The following SEPTIN8 variants were observed in gnomAD, a reference collection of about 807,000 sequenced individuals.
SEPTIN8 encodes the protein septin-8.
SEPTIN8 carries 22 observed loss-of-function variants against 53.1 expected under a neutral mutation model. The observed-to-expected ratio is 0.41, with a 90% CI of 0.30 to 0.59. The LOEUF is 0.59. Among genes scored for constraint, SEPTIN8 ranks in the 20% least tolerant of loss-of-function variants. The pLI is 0.24. For missense variants in SEPTIN8, 536 were observed against 638.7 expected, an observed-to-expected ratio of 0.84 and a Z score of 1.73; for synonymous variants, 228 against 248.4, an observed-to-expected ratio of 0.92 and a Z score of 0.77.
In SEPTIN8 at chr5:132,751,194, A is replaced by G. The variant is rs570219206; in HGVS notation, c.*822T>C. The G allele has an allele frequency of 2.0e-5, 10 of 507,030 alleles. No individual in the cohort carries two copies. The South Asian group carries it at 3.6e-4, about 18-fold the overall frequency. The allele number at this position is 507,030 out of a possible 1,614,324, so 31.4% of individuals were successfully genotyped here. On this transcript the variant is annotated 3_prime_UTR_variant, in exon 10 of 10. Coordinates refer to ENST00000378719, the MANE Select transcript of SEPTIN8 (RefSeq NM_001098811.2). ...TCCAACACAGTTCCACCAGACTCCC[A>G]CTTCTAAAGGACATTAAATTAACTT... is the stretch of plus-strand genomic sequence containing the variant.
chr5:132,756,586 C>T (rs1033954293), intron 9 of SEPTIN8: 43 of 985,338 alleles, frequency 4.4e-5, no homozygotes, highest in Non-Finnish European at 5.2e-5. Flanking sequence ...TCACTTTATG[C>T]ACCAAGGTTT....
chr5:132,757,620 A>G (rs1755463925), intron 9 of SEPTIN8: 2 of 985,342 alleles, frequency 2.0e-6, no homozygotes. Flanking sequence ...TCCAGTGCCC[A>G]GCACGGTGCT....
Position 132,760,822 on chromosome 5 carries a change from C to T in SEPTIN8, c.1266G>A (p.Arg422=). 6.2e-7 allele frequency: 1 copy of T among 1,613,818 alleles called. No homozygotes were observed. The highest frequency in any genetic ancestry group is 8.5e-7 in the Non-Finnish European group (1 of 1,180,010). ...ALHATSQQPL[R]KDKDKKNRSD... ...CCTACTTCTTCTTGTCCTTGTCCTTCCTCAGGGGCTGCTGCGAGGTGGCGT... is the reference window on the plus strand; with the variant it reads ...CCTACTTCTTCTTGTCCTTGTCCTTTCTCAGGGGCTGCTGCGAGGTGGCGT... The change falls in exon 9 of 10, where the codon AGG becomes AGA. Residue 422 remains arginine (R), a synonymous_variant. Transcript: ENST00000378719. The surrounding 1 kb of genome is among the most constrained non-coding windows in gnomAD (Gnocchi z 5.2).
chr5:132,758,584 G>A (rs750491567), intron 9 of SEPTIN8: 2 of 1,609,854 alleles, frequency 1.2e-6, no homozygotes, highest in Admixed American at 3.4e-5. Flanking sequence ...CGTCAGTTTT[G>A]GATTCCAGCA....
chr5:132,777,594 G>C, upstream of SEPTIN8: 4 of 980,674 alleles, frequency 4.1e-6, no homozygotes, highest in Non-Finnish European at 4.8e-6. This position sits in a 1 kb window ranked among gnomAD's most constrained non-coding sequence, Gnocchi z 4.1. Context: ...GGGGGAAGTG[G>C]GGCACGGCGT....
Position 132,776,581 on chromosome 5 carries a change from G to A in SEPTIN8, c.30+527C>T, listed in dbSNP as rs766868137. On this transcript the variant is annotated intron_variant, in intron 1 of 9. Transcript: ENST00000378719. This position sits in a 1 kb window ranked among gnomAD's most constrained non-coding sequence, Gnocchi z 4.4. The stretch of plus-strand genomic sequence containing the variant: ...CGTGGGGAGCGGGGCAGAGGGGAGC[G>A]GGGGAGGAAGGAAAAGCAGGCCAAG... Among the ~76,000 whole-genome samples, 2 of 151,990 alleles carry A rather than the reference G, an allele frequency of 1.3e-5. No homozygotes were observed. The highest frequency in any genetic ancestry group is 2.4e-5 in the African/African-American group (1 of 41,422).
intron 9 of SEPTIN8, chr5:132,758,832 A>G (rs1352041594): frequency 1.2e-6 from 2 of 1,612,588 alleles, no homozygotes; most frequent in Non-Finnish European, 1.7e-6. Context: ...TAACTGAAAA[A>G]TAAAAATAAA....
chr5:132,758,983 G>T, intron 9 of SEPTIN8: 1 of 777,494 alleles, frequency 1.3e-6, no homozygotes, highest in Non-Finnish European at 2.3e-6. Context: ...CTCAGTTTGT[G>T]GTGTCCCAGG....
At chr5:132,777,364 G>A, upstream of SEPTIN8, 1 of 1,035,702 alleles carries the variant, frequency 9.7e-7, no homozygotes, top group Non-Finnish European at 1.2e-6. This position sits in a 1 kb window ranked among gnomAD's most constrained non-coding sequence, Gnocchi z 4.1. Flanking sequence ...AGCGCAGCCG[G>A]AGCCCCGCCG....
At chr5:132,767,824 C>G (rs1309721549) in intron 1 of SEPTIN8, among the ~76,000 whole-genome samples, 1 of 152,008 alleles carries the variant, frequency 6.6e-6, no homozygotes, top group Non-Finnish European at 1.5e-5. Flanking sequence ...GCGTGCTGTG[C>G]TTGCAGAGAA....
At chr5:132,777,386 G>A, upstream of SEPTIN8, 1 of 1,018,202 alleles carries the variant, frequency 9.8e-7, no homozygotes, top group South Asian at 4.6e-5. The surrounding 1 kb of genome is among the most constrained non-coding windows in gnomAD (Gnocchi z 4.1). Flanking sequence ...TTGGACGGCC[G>A]GGGGTCTCCG....
intron 1 of SEPTIN8, among the ~76,000 whole-genome samples, chr5:132,774,441 G>A (rs1424853948): frequency 6.6e-6 from 1 of 152,198 alleles, no homozygotes; most frequent in Admixed American, 6.5e-5. Context: ...GTTAGGAGGA[G>A]GGGCACAGCA....
upstream of SEPTIN8, among the ~76,000 whole-genome samples, chr5:132,780,045 G>A (rs1758019796): frequency 6.6e-6 from 1 of 152,156 alleles, no homozygotes; most frequent in African/African-American, 2.4e-5. Context: ...GTCCAATATG[G>A]TGATATCTGC....
intron 9 of SEPTIN8, chr5:132,754,489 C>T (rs867050418): frequency 4.2e-5 from 30 of 717,360 alleles, no homozygotes; most frequent in African/African-American, 3.8e-4. Flanking sequence ...TGGATGTGAG[C>T]TGGATTCTGA....
At chr5:132,758,699 CTG>C in intron 9 of SEPTIN8, 1 of 1,602,892 alleles carries the variant, frequency 6.2e-7, no homozygotes, top group South Asian at 1.1e-5. Context: ...ACACTGGAGT[CTG>C]TACCGGCTCC....
chr5:132,766,505 A>G (rs1756619787), intron 1 of SEPTIN8, among the ~76,000 whole-genome samples: 1 of 152,196 alleles, frequency 6.6e-6, no homozygotes, highest in Admixed American at 6.5e-5. Flanking sequence ...GAATGGGGTA[A>G]AATGCTGCCC....
rs200144996 is a variant in SEPTIN8, at chr5:132,765,541, G to A, written c.31-12C>T. ...TCTGGCTCTGCATTCTGCCAAGAGA[G>A]AAATAAAGCAAGACATGAGCCCACT... On this transcript the variant is annotated splice_polypyrimidine_tract_variant and intron_variant, in intron 1 of 9. Coordinates refer to ENST00000378719, the MANE Select transcript of SEPTIN8 (RefSeq NM_001098811.2). 1.9e-6 allele frequency: 3 copies of A among 1,578,930 alleles called. No homozygotes were observed. Among genetic ancestry groups the A allele is most frequent in the Non-Finnish European group, 2.6e-6 (3 of 1,166,026 alleles).
rs1756360791 is a variant in SEPTIN8 at position 132,764,373 on chromosome 5, G to A, written c.198C>T (p.Asn66=). The part of the protein sequence containing the change: ...GKSTLMNTLF[N]TTFETEEASH... ...TGGCTTCCTCAGTCTCGAAGGTCGT[G>A]TTGAAGAGTGTGTTCATCAGTGTGG... is the stretch of plus-strand genomic sequence containing the variant. The change falls in exon 3 of 10, where the codon AAC becomes AAT. Residue 66 remains asparagine, a synonymous_variant. Coordinates refer to ENST00000378719, the MANE Select transcript of SEPTIN8 (RefSeq NM_001098811.2). 2 of 1,614,068 alleles carry A rather than the reference G, an allele frequency of 1.2e-6. No homozygotes were observed. Among genetic ancestry groups the A allele is most frequent in the Non-Finnish European group, 1.7e-6 (2 of 1,180,028 alleles).
At position 132,761,544 on chromosome 5, in the gene SEPTIN8, G is replaced by A; in HGVS notation, c.876C>T (p.Thr292=). 1 of 1,613,906 alleles carries A rather than the reference G, an allele frequency of 6.2e-7. No individual in the cohort carries two copies. Among genetic ancestry groups the A allele is most frequent in the Admixed American group, 1.7e-5 (1 of 60,014 alleles). ...RVNMEDLREQ[T]HSRHYELYRR... ...GGTAGAGCTCGTAGTGCCGGCTGTGGGTCTGCTCGCGGAGGTCTTCCATGT... is the reference window on the plus strand; with the variant it reads ...GGTAGAGCTCGTAGTGCCGGCTGTGAGTCTGCTCGCGGAGGTCTTCCATGT... Residue 292 remains threonine (T), a synonymous_variant, in exon 7 of 10, where the codon ACC becomes ACT. Coordinates refer to ENST00000378719, the MANE Select transcript of SEPTIN8 (RefSeq NM_001098811.2). The surrounding 1 kb of genome is among the most constrained non-coding windows in gnomAD (Gnocchi z 5.8).
Sources: gnomAD v4.1 joint callset for allele counts (sites outside exome capture counted in the v4.1 genomes callset) on GRCh38, gnomAD v4.1.1 for gene constraint, Gnocchi (gnomAD v3.1) non-coding constraint, MANE v1.5 for transcripts, NCBI Gene and HGNC (gene_info 2026-07-23, HGNC 2026-07-21) for gene names.